CDH4: variants seen among roughly 807,000 people sequenced by gnomAD.
CDH4 encodes the protein cadherin-4.
CDH4 carries 33 observed loss-of-function variants against 86.0 expected under a neutral mutation model. The ratio of observed to expected loss-of-function variants is 0.38; its 90% CI spans 0.29 to 0.51. The LOEUF is 0.51. Among genes scored for constraint, CDH4 ranks in the 20% least tolerant of loss-of-function variants. CDH4 has a pLI of 0.86. For synonymous variants in CDH4, 555 were observed against 549.4 expected (o/e 1.01, Z -0.14); for missense variants, 1,114 against 1,307.4 (o/e 0.85, Z 2.28).
chr20:61,898,843 G>A (rs576718223), intron 8 of CDH4, among the ~76,000 whole-genome samples: 1 of 152,314 alleles, frequency 6.6e-6, no homozygotes, highest in East Asian at 1.9e-4. Context: ...GCCATGGGTG[G>A]TGCCCAGACC....
At chr20:61,288,022 A>G (rs2084302343) in intron 2 of CDH4, among the ~76,000 whole-genome samples, 1 of 152,216 alleles carries the variant, frequency 6.6e-6, no homozygotes, top group African/African-American at 2.4e-5. Context: ...GCACGAAAGG[A>G]AACGACAGCC....
intron 2 of CDH4, among the ~76,000 whole-genome samples, chr20:61,701,768 C>A (rs1397925133): frequency 6.6e-6 from 1 of 152,236 alleles, no homozygotes. Context: ...CAGGGTTGAC[C>A]TTGTTCTTAA....
intron 2 of CDH4, among the ~76,000 whole-genome samples, chr20:61,521,044 A>G (rs955827749): frequency 1.3e-5 from 2 of 152,196 alleles, no homozygotes; most frequent in African/African-American, 4.8e-5. Flanking sequence ...CCTCCTTATT[A>G]AGAACTAATT....
intron 5 of CDH4, among the ~76,000 whole-genome samples, chr20:61,846,182 C>T (rs935896056): frequency 2.0e-5 from 3 of 152,356 alleles, no homozygotes; most frequent in Non-Finnish European, 2.9e-5. Flanking sequence ...CGGTCTGCAC[C>T]GGGGCCTTAT....
chr20:61,476,434 C>G lies in CDH4; in HGVS notation c.169+221497C>G, dbSNP rs1439115976. Reference sequence around the variant, plus strand: ...TGTGGTCTGAACATATGTATTTTTTCTAAACGTAGACACAACACATAACAC... The same window carrying G: ...TGTGGTCTGAACATATGTATTTTTTGTAAACGTAGACACAACACATAACAC... On this transcript the variant is annotated intron_variant, in intron 2 of 15. Transcript: ENST00000614565. Among the ~76,000 whole-genome samples the G allele has an allele frequency of 2.6e-5, 4 of 152,160 alleles. No homozygotes were observed. In the East Asian group the frequency reaches 5.8e-4, roughly 22 times the overall value.
At chr20:61,694,696 G>T (rs1750019746) in intron 2 of CDH4, among the ~76,000 whole-genome samples, 1 of 152,126 alleles carries the variant, frequency 6.6e-6, no homozygotes, top group Non-Finnish European at 1.5e-5. Context: ...TTGGACACAG[G>T]GGTGTGAGGG....
chr20:61,536,872 G>T (rs555783680), intron 2 of CDH4, among the ~76,000 whole-genome samples: 11 of 152,188 alleles, frequency 7.2e-5, no homozygotes, highest in Non-Finnish European at 1.3e-4. Flanking sequence ...TGTGTTCAGC[G>T]CAGGGGCTGG....
intron 2 of CDH4, among the ~76,000 whole-genome samples, chr20:61,633,148 A>G (rs1309011884): frequency 6.7e-6 from 1 of 149,246 alleles, no homozygotes; most frequent in Non-Finnish European, 1.5e-5. Flanking sequence ...CCTCCCATCC[A>G]TCCACCCATT....
chr20:61,690,622 G>A (rs1420221071), intron 2 of CDH4, among the ~76,000 whole-genome samples: 6 of 152,084 alleles, frequency 3.9e-5, no homozygotes, highest in Non-Finnish European at 8.8e-5. Context: ...TCTGAGCGTT[G>A]GACCTGAGCT....
intron 5 of CDH4, among the ~76,000 whole-genome samples, chr20:61,846,870 G>A (rs1982478069): frequency 6.6e-6 from 1 of 151,410 alleles, no homozygotes; most frequent in African/African-American, 2.4e-5. Context: ...GGGGCACCAG[G>A]AGAGCTGGGT....
chr20:61,614,042 G>A (rs1471199745), intron 2 of CDH4, among the ~76,000 whole-genome samples: 2 of 152,088 alleles, frequency 1.3e-5, no homozygotes, highest in Non-Finnish European at 2.9e-5. Flanking sequence ...TGGCAGGGAC[G>A]GACGTGTGGT....
At chr20:61,484,971 C>A (rs1435526172) in intron 2 of CDH4, among the ~76,000 whole-genome samples, 1 of 152,214 alleles carries the variant, frequency 6.6e-6, no homozygotes, top group Non-Finnish European at 1.5e-5. Flanking sequence ...GAAGAAAAGA[C>A]TATTGGGATG....
At chr20:61,867,561 A>AAAAAAG (rs56167173) in intron 6 of CDH4, among the ~76,000 whole-genome samples, 1 of 142,102 alleles carries the variant, frequency 7.0e-6, no homozygotes, top group African/African-American at 2.6e-5. Flanking sequence ...AAAAAAAAAA[A>AAAAAAG]AGAGAGAGAG....
rs1005265386 is a variant in CDH4, at chr20:61,591,296, C to A, written c.170-152267C>A. The stretch of plus-strand genomic sequence containing the variant: ...TGATTAATTTGTTTTAAACTATCAG[C>A]AATAAGCCTATTCCATGTTAACATA... On this transcript the variant is annotated intron_variant, in intron 2 of 15. Coordinates refer to ENST00000614565, the MANE Select transcript of CDH4 (RefSeq NM_001794.5). Among the ~76,000 whole-genome samples, 12 of 152,332 alleles carry A rather than the reference C, an allele frequency of 7.9e-5. No individual in the cohort carries two copies. The East Asian group carries it at 2.3e-3, about 29-fold the overall frequency.
At chr20:61,822,307 T>C (rs1981085946) in intron 4 of CDH4, among the ~76,000 whole-genome samples, 1 of 152,218 alleles carries the variant, frequency 6.6e-6, no homozygotes, top group African/African-American at 2.4e-5. Context: ...TGGGTGAGTA[T>C]GATTATCGCA....
At chr20:61,492,295 TTGGTGTTGATGTAGG>T (rs1257988318) in intron 2 of CDH4, among the ~76,000 whole-genome samples, 3 of 149,016 alleles carry the variant, frequency 2.0e-5, no homozygotes, top group Non-Finnish European at 3.0e-5. Context: ...GGTGTTGATG[TTGGTGTTGATGTAGG>T]TGGTGTTGAT....
At chr20:61,644,403 G>T (rs1372438226) in intron 2 of CDH4, among the ~76,000 whole-genome samples, 4 of 152,226 alleles carry the variant, frequency 2.6e-5, no homozygotes, top group African/African-American at 7.2e-5. Context: ...CAAAGCCAAG[G>T]CCAGTGAACC....
intron 2 of CDH4, among the ~76,000 whole-genome samples, chr20:61,340,350 G>C (rs111665349): frequency 3.3e-5 from 5 of 152,326 alleles, no homozygotes; most frequent in African/African-American, 1.2e-4. Context: ...GGAGCCAGCT[G>C]CCAGCCTGCC....
At chr20:61,553,434 C>T (rs983045734) in intron 2 of CDH4, among the ~76,000 whole-genome samples, 2 of 152,192 alleles carry the variant, frequency 1.3e-5, no homozygotes, top group African/African-American at 4.8e-5. Flanking sequence ...TTACAGTATG[C>T]GAAGTGTATC....
Sources: allele counts gnomAD v4.1 joint callset (sites outside exome capture counted in the v4.1 genomes callset), GRCh38; gene constraint gnomAD v4.1.1; transcripts MANE v1.5; gene names NCBI Gene and HGNC (gene_info 2026-07-23, HGNC 2026-07-21).